The following ST6GALNAC3 variants were observed in gnomAD, a reference collection of about 807,000 sequenced individuals.
The protein encoded by ST6GALNAC3 is alpha-N-acetylgalactosaminide alpha-2,6-sialyltransferase 3.
ST6GALNAC3 carries 25 observed loss-of-function variants against 32.7 expected under a neutral mutation model. That is an observed-to-expected ratio of 0.76 (90% CI 0.56 to 1.07). The LOEUF is 1.07. ST6GALNAC3 is among the 50% of genes least tolerant of loss of function. ST6GALNAC3 has a pLI of 0.00. For missense variants in ST6GALNAC3, 355 were observed against 382.4 expected, an observed-to-expected ratio of 0.93 and a Z score of 0.60; for synonymous variants, 129 against 133.1, an observed-to-expected ratio of 0.97 and a Z score of 0.21.
At chr1:76,334,022 C>T (rs1007999793) in intron 2 of ST6GALNAC3, among the ~76,000 whole-genome samples, 10 of 152,206 alleles carry the variant, frequency 6.6e-5, no homozygotes, top group African/African-American at 2.4e-4. Flanking sequence ...TTAAGCATTA[C>T]TGCCTCTTGA....
chr1:76,489,824 C>G (rs1385334468), intron 3 of ST6GALNAC3, among the ~76,000 whole-genome samples: 1 of 152,152 alleles, frequency 6.6e-6, no homozygotes, highest in Non-Finnish European at 1.5e-5. Flanking sequence ...CTAGTTCTTA[C>G]TCGCTGTTAG....
intron 3 of ST6GALNAC3, among the ~76,000 whole-genome samples, chr1:76,429,349 T>A (rs1215875304): frequency 6.6e-6 from 1 of 152,190 alleles, no homozygotes; most frequent in East Asian, 1.9e-4. Flanking sequence ...GTCTATACTT[T>A]TGTTAGAATT....
chr1:76,092,938 G>A (rs78578701), intron 1 of ST6GALNAC3, among the ~76,000 whole-genome samples: 596 of 152,248 alleles, frequency 3.9e-3, no homozygotes, highest in Non-Finnish European at 6.7e-3. Flanking sequence ...CTTAAGCACT[G>A]TCCTCCATCT....
chr1:76,324,025 T>C (rs1647021062), intron 2 of ST6GALNAC3, among the ~76,000 whole-genome samples: 3 of 151,156 alleles, frequency 2.0e-5, no homozygotes, highest in Admixed American at 6.6e-5. Context: ...ATGCCCGGCT[T>C]AATTTTTGTG....
intron 1 of ST6GALNAC3, among the ~76,000 whole-genome samples, chr1:76,108,403 G>A (rs1647683702): frequency 6.6e-6 from 1 of 152,156 alleles, no homozygotes; most frequent in Non-Finnish European, 1.5e-5. Context: ...AAGCCCATCT[G>A]AGGACTGCCA....
At chr1:76,310,998 C>T (rs1264244788) in intron 1 of ST6GALNAC3, among the ~76,000 whole-genome samples, 1 of 152,130 alleles carries the variant, frequency 6.6e-6, no homozygotes, top group African/African-American at 2.4e-5. Context: ...GTCACATGGA[C>T]CCCAAATCTG....
At chr1:76,417,887 C>T (rs2101350375) in intron 3 of ST6GALNAC3, among the ~76,000 whole-genome samples, 1 of 152,210 alleles carries the variant, frequency 6.6e-6, no homozygotes, top group South Asian at 2.1e-4. Flanking sequence ...TCAAGATGTT[C>T]CTGCCTCAGG....
At chr1:76,324,940 A>T (rs1046814628) in intron 2 of ST6GALNAC3, among the ~76,000 whole-genome samples, 4 of 152,030 alleles carry the variant, frequency 2.6e-5, no homozygotes, top group African/African-American at 7.2e-5. Context: ...ACATATATAT[A>T]TTTTTATTAT....
At chr1:76,249,184 C>A (rs746345192) in intron 1 of ST6GALNAC3, among the ~76,000 whole-genome samples, 1 of 152,178 alleles carries the variant, frequency 6.6e-6, no homozygotes, top group East Asian at 1.9e-4. Flanking sequence ...GTTGTGCAAA[C>A]GTCTCCACTC....
intron 1 of ST6GALNAC3, among the ~76,000 whole-genome samples, chr1:76,190,437 A>G (rs1557684339): frequency 6.6e-6 from 1 of 152,216 alleles, no homozygotes; most frequent in Non-Finnish European, 1.5e-5. Flanking sequence ...TTTACATTAT[A>G]TTGAAAAATA....
intron 2 of ST6GALNAC3, among the ~76,000 whole-genome samples, chr1:76,320,321 ACAC>A (rs2100919097): frequency 6.6e-6 from 1 of 152,310 alleles, no homozygotes; most frequent in East Asian, 1.9e-4. Context: ...TCATTGCCTC[ACAC>A]TTGGTGGATC....
At chr1:76,320,029 A>T (rs1436099871) in intron 2 of ST6GALNAC3, among the ~76,000 whole-genome samples, 1 of 152,212 alleles carries the variant, frequency 6.6e-6, no homozygotes, top group Non-Finnish European at 1.5e-5. Context: ...GCAACTTTCA[A>T]TCAATGACCA....
intron 1 of ST6GALNAC3, among the ~76,000 whole-genome samples, chr1:76,183,993 C>T (rs896750705): frequency 4.0e-5 from 6 of 151,410 alleles, no homozygotes; most frequent in African/African-American, 1.5e-4. Flanking sequence ...CCTACTGATA[C>T]GTGTATTAGT....
At chr1:76,186,521 G>A (rs1283088566) in intron 1 of ST6GALNAC3, among the ~76,000 whole-genome samples, 4 of 152,170 alleles carry the variant, frequency 2.6e-5, no homozygotes, top group Admixed American at 1.3e-4. Context: ...TGAGGTTAGT[G>A]GGGTGTCCAA....
chr1:76,417,272 G>T (rs1309643111), intron 3 of ST6GALNAC3, among the ~76,000 whole-genome samples: 1 of 146,094 alleles, frequency 6.8e-6, no homozygotes, highest in Non-Finnish European at 1.5e-5. Context: ...GTCACTTTTA[G>T]ATTGTCACCT....
chr1:76,621,939 T>C (rs183051026), intron 3 of ST6GALNAC3, among the ~76,000 whole-genome samples: 4 of 152,154 alleles, frequency 2.6e-5, no homozygotes, highest in Admixed American at 6.5e-5. Context: ...TATTGATTAA[T>C]TCTTCTTTTA....
intron 1 of ST6GALNAC3, among the ~76,000 whole-genome samples, chr1:76,295,126 T>C (rs1247677392): frequency 6.6e-6 from 1 of 152,006 alleles, no homozygotes; most frequent in South Asian, 2.1e-4. Flanking sequence ...TATTGAGATG[T>C]TTTCTTTTTC....
At chr1:76,169,200 C>T (rs902630181) in intron 1 of ST6GALNAC3, among the ~76,000 whole-genome samples, 2 of 152,036 alleles carry the variant, frequency 1.3e-5, no homozygotes, top group African/African-American at 4.8e-5. Flanking sequence ...TTCTCCTTTG[C>T]TTATGAAGCT....
intron 2 of ST6GALNAC3, among the ~76,000 whole-genome samples, chr1:76,395,479 A>T (rs907276735): frequency 6.6e-6 from 1 of 152,198 alleles, no homozygotes; most frequent in Non-Finnish European, 1.5e-5. Context: ...TATCAAAAGT[A>T]TACCTGCATC....
Sources: gnomAD v4.1 joint callset for allele counts (sites outside exome capture counted in the v4.1 genomes callset) on GRCh38, gnomAD v4.1.1 for gene constraint, MANE v1.5 for transcripts, NCBI Gene and HGNC (gene_info 2026-07-23, HGNC 2026-07-21) for gene names.